Variants in FSD2 observed in about 807,000 individuals in gnomAD.
FSD2 encodes the protein fibronectin type III and SPRY domain-containing protein 2.
In FSD2, 71 loss-of-function variants were observed where a neutral mutation model predicts 80.4. That is an observed-to-expected ratio of 0.88 (90% confidence interval 0.73 to 1.08). FSD2 has a LOEUF of 1.08. Ranked by LOEUF, FSD2 falls within the 50% of genes least tolerant of loss-of-function variation. FSD2 has a pLI of 0.00. For missense variants in FSD2, 923 were observed against 913.8 expected (o/e 1.01, Z -0.13); for synonymous variants, 361 against 329.5 (o/e 1.10, Z -1.03).
chr15:82,794,050 G>T (rs1423306563), intron 1 of FSD2, among the ~76,000 whole-genome samples: 2 of 151,290 alleles, frequency 1.3e-5, no homozygotes, highest in Non-Finnish European at 2.9e-5. Flanking sequence ...TGTTTAGTTT[G>T]CTCTTCTTTT....
chr15:82,761,222 G>A (rs2049289352), intron 12 of FSD2, among the ~76,000 whole-genome samples: 1 of 152,176 alleles, frequency 6.6e-6, no homozygotes, highest in African/African-American at 2.4e-5. Context: ...AGGGTCAGAG[G>A]CCCCATTTTA....
At chr15:82,791,561 C>G (rs912184457) in intron 1 of FSD2, among the ~76,000 whole-genome samples, 20 of 151,418 alleles carry the variant, frequency 1.3e-4, no homozygotes, top group African/African-American at 4.9e-4. Context: ...TTTTTAGAGA[C>G]GGGGTCATGC....
chr15:82,788,647 C>G (rs910779463), intron 1 of FSD2, among the ~76,000 whole-genome samples: 7 of 152,096 alleles, frequency 4.6e-5, no homozygotes, highest in Admixed American at 3.9e-4. Flanking sequence ...TCATATGCTG[C>G]CGGCTAGAAT....
intron 11 of FSD2, among the ~76,000 whole-genome samples, chr15:82,764,536 C>T (rs1193485265): frequency 7.9e-6 from 1 of 125,946 alleles, no homozygotes; most frequent in Non-Finnish European, 1.6e-5. Context: ...ACTCTGTTGC[C>T]CAGGCTAGAG....
intron 6 of FSD2, among the ~76,000 whole-genome samples, chr15:82,773,144 G>A (rs530058891): frequency 2.6e-4 from 39 of 152,292 alleles, no homozygotes; most frequent in African/African-American, 9.1e-4. Context: ...ACTTGTGCCC[G>A]GTCCTTTCCT....
At chr15:82,773,651 C>T (rs989761276) in intron 6 of FSD2, among the ~76,000 whole-genome samples, 7 of 152,126 alleles carry the variant, frequency 4.6e-5, no homozygotes, top group African/African-American at 1.7e-4. Flanking sequence ...ATCCAGTGGA[C>T]GTCATAGCTC....
chr15:82,804,016 T>C (rs2050473574), intron 1 of FSD2, among the ~76,000 whole-genome samples: 1 of 152,190 alleles, frequency 6.6e-6, no homozygotes, highest in African/African-American at 2.4e-5. Context: ...TTAAAGTAAG[T>C]CCTCAGTAAG....
chr15:82,795,220 CAT>C (rs2050236476), intron 1 of FSD2, among the ~76,000 whole-genome samples: 1 of 152,118 alleles, frequency 6.6e-6, no homozygotes, highest in Non-Finnish European at 1.5e-5. Context: ...TTGTAGACAA[CAT>C]AGAGTTGGCT....
At chr15:82,774,552 G>A (rs1567305837) in intron 6 of FSD2, among the ~76,000 whole-genome samples, 1 of 152,160 alleles carries the variant, frequency 6.6e-6, no homozygotes, top group Non-Finnish European at 1.5e-5. Flanking sequence ...GGAAGTGGCA[G>A]AGTTGGGATT....
At position 82,772,103 on chromosome 15, in the gene FSD2, G is replaced by T. The variant is rs1478979772; in HGVS notation, c.1237C>A (p.Gln413Lys). 2 of 1,601,156 alleles carry T rather than the reference G, an allele frequency of 1.2e-6. No individual in the cohort carries two copies. Among genetic ancestry groups the T allele is most frequent in the South Asian group, 2.3e-5 (2 of 88,642 alleles). Residue 413 changes from glutamine (Q) to lysine (K), a missense_variant, in exon 7 of 13, where the codon CAG becomes AAG. Gln to Lys is a moderately conservative substitution (Grantham distance 53, BLOSUM62 1). Transcript: ENST00000334574. ...TGGTCCGTCCCAGGTGAGCTGTCCT[G>T]CACTGGCCGGTAGGACAGCTGATAG... ...ESYQLSYRPV[Q>K]DSSPGTDQAE...
rs775389209 is a variant in FSD2 at position 82,768,989 on chromosome 15, A to T, written c.1444T>A (p.Cys482Ser). 3.1e-6 allele frequency: 5 copies of T among 1,603,508 alleles called. No individual in the cohort carries two copies. The highest frequency in any genetic ancestry group is 4.3e-6 in the Non-Finnish European group (5 of 1,175,434). ...CAGCAAATCAGCACAGCCTCTTCAC[A>T]GCTCCTTATCTCTTTGGTTTTAATA... ...PIIKTKEIRS[C>S]EEAVLICWES... The change falls in exon 9 of 13, where the codon TGT becomes AGT. Residue 482 changes from cysteine (C) to serine (S), a missense_variant. Transcript: ENST00000334574.
intron 1 of FSD2, among the ~76,000 whole-genome samples, chr15:82,791,250 G>A (rs1485125718): frequency 2.0e-5 from 3 of 152,034 alleles, no homozygotes; most frequent in Admixed American, 2.0e-4. Flanking sequence ...CGCCCGTCTC[G>A]GCCTCCCAAA....
rs1334626091 is a variant in FSD2, at chr15:82,759,561, A to C, written c.2037T>G (p.Asp679Glu). 5 of 1,601,770 alleles carry C rather than the reference A, an allele frequency of 3.1e-6. No homozygotes were observed. The highest frequency in any genetic ancestry group is 1.7e-5 in the Admixed American group (1 of 57,946). ...YEFLHNRTTP[D>E]IRITVPPKKI... ...TCTTTGGTGGAACTGTTATTCTTAT[A>C]TCTGGAGTTGTTCTGTTGTGCAGAA... Residue 679 changes from aspartate (D) to glutamate (E), a missense_variant, in exon 13 of 13, where the codon GAT becomes GAG. Coordinates refer to ENST00000334574, the MANE Select transcript of FSD2 (RefSeq NM_001007122.4).
In FSD2 at chr15:82,756,947, T is replaced by C. The variant is rs938854089; in HGVS notation, c.*2401A>G. 2.6e-5 allele frequency: 4 copies of C among 152,238 alleles called. No individual in the cohort carries two copies. The highest frequency in any genetic ancestry group is 9.6e-5 in the African/African-American group (4 of 41,460). The allele number at this position is 152,238 out of a possible 1,614,324, so 9.4% of individuals were successfully genotyped here. A position where few individuals can be genotyped will look rare whatever the true frequency, so the allele number is the denominator to read the frequency against. On this transcript the variant is annotated 3_prime_UTR_variant, in exon 13 of 13. Transcript: ENST00000334574. ...GGTGAACATGGCCTTGAGGTAAATC[T>C]GTCCCTTGCTGAATACAGTTTCAGT...
intron 4 of FSD2, 58 bp from the exon 5 acceptor site, chr15:82,780,325 TTTTC>T (rs1200135492): frequency 1.3e-5 from 17 of 1,268,958 alleles, no homozygotes; most frequent in Admixed American, 5.6e-5. Flanking sequence ...TCTTTTTTCT[TTTTC>T]TTTCTTTCTT....
At chr15:82,771,039 T>G (rs2049556215) in intron 7 of FSD2, among the ~76,000 whole-genome samples, 1 of 152,096 alleles carries the variant, frequency 6.6e-6, no homozygotes, top group Non-Finnish European at 1.5e-5. Context: ...TCTTTAGTCC[T>G]TATTCTGACC....
Position 82,769,766 on chromosome 15 carries a change from ACG to A in FSD2, c.1384_1385del (p.Arg462CysfsTer13), listed in dbSNP as rs1175915406. The A allele has an allele frequency of 6.2e-7, 1 of 1,613,948 alleles. No individual in the cohort carries two copies. The highest frequency in any genetic ancestry group is 1.1e-5 in the South Asian group (1 of 91,080). On this transcript the variant is annotated frameshift_variant, in exon 8 of 13. Transcript: ENST00000334574. LOFTEE classifies it high-confidence loss of function. Reference protein sequence around the residue: ...NRAGPSPSSERAVYMTAPSPP... With the variant: ...NRAGPSPSSEXAVYMTAPSPP... ...GCCCATTACCTGTCATGTACACTGC[ACG>A]CTCGCTAGAGGGGCTGGGGCCAGCC...
Position 82,769,049 on chromosome 15 carries a change from G to T in FSD2, c.1403-19C>A. 1 of 1,550,042 alleles carries T rather than the reference G, an allele frequency of 6.5e-7. No individual in the cohort carries two copies. The highest frequency in any genetic ancestry group is 2.0e-5 in the Admixed American group (1 of 50,084). ...GAAGGTGCTAAATGTGGGAGAAAGG[G>T]AGAGATGAACAACTGTTGTGTTCAT... On this transcript the variant is annotated intron_variant, in intron 8 of 12. Coordinates refer to ENST00000334574, the MANE Select transcript of FSD2 (RefSeq NM_001007122.4).
intron 4 of FSD2, among the ~76,000 whole-genome samples, chr15:82,781,561 C>A (rs2049855584): frequency 6.6e-6 from 1 of 152,158 alleles, no homozygotes; most frequent in African/African-American, 2.4e-5. Context: ...ATTGAAATTC[C>A]CATAGCCTAG....
Sources: gnomAD v4.1 joint callset for allele counts (sites outside exome capture counted in the v4.1 genomes callset) on GRCh38, gnomAD v4.1.1 for gene constraint, MANE v1.5 for transcripts, NCBI Gene and HGNC (gene_info 2026-07-23, HGNC 2026-07-21) for gene names.